The following DTNB variants were observed in gnomAD, a reference collection of about 807,000 sequenced individuals.
DTNB encodes the protein DTN-B.
A neutral mutation model predicts 90.7 loss-of-function variants in DTNB; 63 were observed. That is an observed-to-expected ratio of 0.69 (90% CI 0.57 to 0.86). DTNB has a LOEUF of 0.86. Among genes scored for constraint, DTNB ranks in the 40% least tolerant of loss-of-function variants. The pLI is 0.00. For synonymous variants in DTNB, 277 were observed against 286.7 expected, an observed-to-expected ratio of 0.97 and a Z score of 0.34; for missense variants, 744 against 807.1, an observed-to-expected ratio of 0.92 and a Z score of 0.95.
intron 9 of DTNB, among the ~76,000 whole-genome samples, chr2:25,523,051 T>C (rs766175365): frequency 6.6e-6 from 1 of 152,186 alleles, no homozygotes; most frequent in Non-Finnish European, 1.5e-5. Context: ...TACTAATTTA[T>C]TATTTTGCTG....
chr2:25,577,997 T>C (rs1198953316), intron 7 of DTNB, among the ~76,000 whole-genome samples: 9 of 151,964 alleles, frequency 5.9e-5, no homozygotes, highest in African/African-American at 2.2e-4. Context: ...TGAAACTCCA[T>C]CTCAAAAACA....
intron 9 of DTNB, among the ~76,000 whole-genome samples, chr2:25,509,426 T>TAA (rs1347969314): frequency 6.6e-6 from 1 of 152,234 alleles, no homozygotes; most frequent in East Asian, 1.9e-4. Flanking sequence ...CCTCGAAACA[T>TAA]ACCCTTTACA....
At chr2:25,633,508 T>G (rs942973585) in intron 3 of DTNB, among the ~76,000 whole-genome samples, 2 of 152,022 alleles carry the variant, frequency 1.3e-5, no homozygotes, top group Non-Finnish European at 2.9e-5. Context: ...TGATCTCGGC[T>G]CGCTACAACC....
chr2:25,521,832 T>G (rs2076189082), intron 9 of DTNB, among the ~76,000 whole-genome samples: 1 of 152,258 alleles, frequency 6.6e-6, no homozygotes, highest in African/African-American at 2.4e-5. Flanking sequence ...CAGGCTATAG[T>G]TTGCCCACCC....
chr2:25,547,904 T>A (rs1322511280), intron 8 of DTNB, among the ~76,000 whole-genome samples: 2 of 152,232 alleles, frequency 1.3e-5, no homozygotes, highest in Non-Finnish European at 2.9e-5. Flanking sequence ...CCTATTTTCT[T>A]AGAAAATTGT....
At chr2:25,598,141 A>G (rs1186477453) in intron 5 of DTNB, among the ~76,000 whole-genome samples, 1 of 152,236 alleles carries the variant, frequency 6.6e-6, no homozygotes, top group Non-Finnish European at 1.5e-5. Context: ...GGGGACTTCC[A>G]GAAGACTAGG....
intron 8 of DTNB, among the ~76,000 whole-genome samples, chr2:25,563,965 G>T (rs61560660): frequency 1.3e-5 from 2 of 151,934 alleles, no homozygotes; most frequent in African/African-American, 4.8e-5. Context: ...TGGTGCGTGC[G>T]ATCTCAGCTT....
At chr2:25,638,910 A>G in intron 3 of DTNB, 104 bp downstream of exon 3, 2 of 1,185,512 alleles carry the variant, frequency 1.7e-6, no homozygotes, top group Non-Finnish European at 2.3e-6. Context: ...ACTTAAGACA[A>G]AAATAATTCA....
At chr2:25,486,054 G>A (rs190716420) in intron 9 of DTNB, among the ~76,000 whole-genome samples, 6 of 151,826 alleles carry the variant, frequency 4.0e-5, no homozygotes, top group East Asian at 1.9e-4. Flanking sequence ...CCCGGGAGGC[G>A]GAGGTTGCAG....
intron 9 of DTNB, among the ~76,000 whole-genome samples, chr2:25,513,263 A>G (rs2074315807): frequency 6.6e-6 from 1 of 152,256 alleles, no homozygotes; most frequent in African/African-American, 2.4e-5. Flanking sequence ...ATTATATTAC[A>G]GGTATAACTT....
intron 8 of DTNB, among the ~76,000 whole-genome samples, chr2:25,531,972 C>G (rs974439517): frequency 6.6e-6 from 1 of 152,140 alleles, no homozygotes; most frequent in Admixed American, 6.6e-5. Flanking sequence ...GGAGGCCAGG[C>G]ACGGTGGCTC....
At chr2:25,461,320 G>C (rs1251514152) in intron 10 of DTNB, among the ~76,000 whole-genome samples, 1 of 152,146 alleles carries the variant, frequency 6.6e-6, no homozygotes, top group Non-Finnish European at 1.5e-5. Flanking sequence ...TGAATTTTCT[G>C]ATAATTTTGT....
chr2:25,567,211 G>A lies in DTNB; in HGVS notation c.876+9627C>T, dbSNP rs141607142. 1.8e-3 allele frequency among the ~76,000 whole-genome samples: 279 copies of A among 152,280 alleles called. 2 individuals are homozygous for A. The highest frequency in any genetic ancestry group is 6.4e-3 in the African/African-American group (268 of 41,568). On this transcript the variant is annotated intron_variant, in intron 8 of 20. Coordinates refer to ENST00000406818, the MANE Select transcript of DTNB (RefSeq NM_021907.5). Reference sequence around the variant, plus strand: ...TGCACAAAGTTAATTGTTTAATTATGACACGTGGCTATTTAAAACTGGTCA... The same window carrying A: ...TGCACAAAGTTAATTGTTTAATTATAACACGTGGCTATTTAAAACTGGTCA...
At chr2:25,467,170 C>A (rs1178376269) in intron 10 of DTNB, among the ~76,000 whole-genome samples, 2 of 152,192 alleles carry the variant, frequency 1.3e-5, no homozygotes, top group Non-Finnish European at 2.9e-5. Flanking sequence ...AATAGAGATT[C>A]ATCTCCATAT....
chr2:25,659,187 G>T (rs1420227299), intron 1 of DTNB, among the ~76,000 whole-genome samples: 1 of 152,132 alleles, frequency 6.6e-6, no homozygotes, highest in Admixed American at 6.5e-5. Context: ...TGAAGAGGGT[G>T]GGGGAAAAGG....
intron 8 of DTNB, among the ~76,000 whole-genome samples, chr2:25,561,459 C>A: frequency 6.6e-6 from 1 of 152,126 alleles, no homozygotes; most frequent in African/African-American, 2.4e-5. Flanking sequence ...CCCTAGCCAT[C>A]CAATTTAAAA....
chr2:25,488,467 G>A (rs1246271925), intron 9 of DTNB, among the ~76,000 whole-genome samples: 1 of 152,142 alleles, frequency 6.6e-6, no homozygotes, highest in African/African-American at 2.4e-5. Context: ...TAGGATTTGA[G>A]TTTTGAAATT....
At chr2:25,403,144 C>A (rs1369640150) in intron 16 of DTNB, among the ~76,000 whole-genome samples, 1 of 152,098 alleles carries the variant, frequency 6.6e-6, no homozygotes, top group Non-Finnish European at 1.5e-5. Context: ...GAGACAGAGT[C>A]TTGCTCTGTC....
chr2:25,620,960 A>G (rs896472989), intron 4 of DTNB, among the ~76,000 whole-genome samples: 5 of 152,154 alleles, frequency 3.3e-5, no homozygotes, highest in African/African-American at 4.8e-5. Flanking sequence ...CCAGGAGTTC[A>G]AAGTTGCAGT....
Sources: gnomAD v4.1 joint callset for allele counts (sites outside exome capture counted in the v4.1 genomes callset) on GRCh38, gnomAD v4.1.1 for gene constraint, MANE v1.5 for transcripts, NCBI Gene and HGNC (gene_info 2026-07-23, HGNC 2026-07-21) for gene names.